Variants in LSAMP observed in about 807,000 individuals in gnomAD.
The protein encoded by LSAMP is limbic system-associated membrane protein.
Under a neutral mutation model 38.6 loss-of-function variants are expected in LSAMP, and 7 were observed. The ratio of observed to expected loss-of-function variants is 0.18; its 90% confidence interval spans 0.10 to 0.34. LSAMP has a LOEUF of 0.34. Among genes scored for constraint, LSAMP ranks in the 10% least tolerant of loss-of-function variants. The pLI is 1.00. For synonymous variants in LSAMP, 154 were observed against 166.8 expected (o/e 0.92, Z 0.59); for missense variants, 313 against 420.0 (o/e 0.75, Z 2.23).
chr3:116,075,940 T>C (rs1005370906), intron 2 of LSAMP, among the ~76,000 whole-genome samples: 3 of 152,212 alleles, frequency 2.0e-5, no homozygotes, highest in Non-Finnish European at 4.4e-5. Flanking sequence ...CCACACTCCA[T>C]TGGAGAGACA....
intron 1 of LSAMP, among the ~76,000 whole-genome samples, chr3:116,373,617 G>GA (rs1229809381): frequency 1.3e-5 from 2 of 151,708 alleles, no homozygotes; most frequent in African/African-American, 2.4e-5. Context: ...TTAAAAATTG[G>GA]AAAAAAGTTA....
At chr3:116,025,270 A>G (rs1056169593) in intron 2 of LSAMP, among the ~76,000 whole-genome samples, 6 of 152,044 alleles carry the variant, frequency 3.9e-5, no homozygotes, top group African/African-American at 1.2e-4. Flanking sequence ...CAATCTATTC[A>G]GTTTCAGTGA....
At chr3:116,145,932 CTTCTT>C (rs763555745) in intron 1 of LSAMP, among the ~76,000 whole-genome samples, 9 of 151,760 alleles carry the variant, frequency 5.9e-5, no homozygotes, top group Non-Finnish European at 2.9e-5. Context: ...TAAAAATAAA[CTTCTT>C]TTATATTATA....
intron 3 of LSAMP, among the ~76,000 whole-genome samples, chr3:115,996,403 T>C (rs1337405800): frequency 6.6e-6 from 1 of 152,110 alleles, no homozygotes; most frequent in African/African-American, 2.4e-5. Flanking sequence ...CTACAGGGAA[T>C]TGGGGTTATC....
rs72945950 is a variant in LSAMP at position 116,215,186 on chromosome 3, A to G, written c.156-128630T>C. Among the ~76,000 whole-genome samples the G allele has an allele frequency of 1.7e-3, 252 of 152,298 alleles. 2 individuals are homozygous for G. The highest frequency in any genetic ancestry group is 5.8e-3 in the African/African-American group (242 of 41,566). On this transcript the variant is annotated intron_variant, in intron 1 of 6. Coordinates refer to ENST00000490035, the MANE Select transcript of LSAMP (RefSeq NM_002338.5). ...AAACGAAATAAATAAACAAACAAAT[A>G]AAGGAATAAGTTGCTGAAGTGTGCT... is the stretch of plus-strand genomic sequence containing the variant.
chr3:115,960,836 T>C (rs1006503994), intron 3 of LSAMP, among the ~76,000 whole-genome samples: 2 of 152,248 alleles, frequency 1.3e-5, no homozygotes, highest in African/African-American at 4.8e-5. Context: ...CGTTAATTTT[T>C]TTCCCCATGG....
chr3:116,150,200 A>G (rs1436285168), intron 1 of LSAMP, among the ~76,000 whole-genome samples: 1 of 152,034 alleles, frequency 6.6e-6, no homozygotes, highest in Non-Finnish European at 1.5e-5. Context: ...TTTAATCATC[A>G]CTTTCATTTA....
At chr3:116,222,383 T>C (rs2046295747) in intron 1 of LSAMP, among the ~76,000 whole-genome samples, 1 of 152,130 alleles carries the variant, frequency 6.6e-6, no homozygotes, top group African/African-American at 2.4e-5. Flanking sequence ...ACTACTTACT[T>C]GGTGCTCATT....
intron 3 of LSAMP, among the ~76,000 whole-genome samples, chr3:115,999,372 G>A (rs1401689204): frequency 2.0e-5 from 3 of 152,056 alleles, no homozygotes; most frequent in Non-Finnish European, 4.4e-5. Flanking sequence ...CCAAGGACAC[G>A]GGCCATTTGT....
At chr3:115,872,000 T>A (rs1280161320) in intron 3 of LSAMP, among the ~76,000 whole-genome samples, 3 of 152,122 alleles carry the variant, frequency 2.0e-5, no homozygotes, top group Admixed American at 2.0e-4. Context: ...GGGTGCTGAT[T>A]CTCAGAGAAT....
intron 1 of LSAMP, among the ~76,000 whole-genome samples, chr3:116,440,765 G>A (rs941104567): frequency 1.3e-5 from 2 of 152,138 alleles, no homozygotes; most frequent in African/African-American, 4.8e-5. Flanking sequence ...TACAGTATCA[G>A]GGCTAACCAA....
chr3:116,420,112 T>C (rs2049102028), intron 1 of LSAMP, among the ~76,000 whole-genome samples: 2 of 151,938 alleles, frequency 1.3e-5, no homozygotes, highest in African/African-American at 4.8e-5. Context: ...TTTTTTTTTT[T>C]TTCAAGAGAA....
chr3:116,188,879 T>C (rs1028717750), intron 1 of LSAMP, among the ~76,000 whole-genome samples: 3 of 152,150 alleles, frequency 2.0e-5, no homozygotes, highest in East Asian at 1.9e-4. Flanking sequence ...CACAGTGAGA[T>C]TGACCATTGA....
At chr3:116,423,061 G>T (rs1224281260) in intron 1 of LSAMP, among the ~76,000 whole-genome samples, 1 of 152,024 alleles carries the variant, frequency 6.6e-6, no homozygotes, top group Non-Finnish European at 1.5e-5. Context: ...ACAGTGCCTG[G>T]CACAAAGACA....
Position 115,820,529 on chromosome 3 carries a change from G to A in LSAMP, c.920-10115C>T, listed in dbSNP as rs556640563. On this transcript the variant is annotated intron_variant, in intron 6 of 6. Coordinates refer to ENST00000490035, the MANE Select transcript of LSAMP (RefSeq NM_002338.5). Reference sequence around the variant, plus strand: ...ATATTAGGAAAGGCAAGTGCCTCGAGACATTTATTTAAGCTAATCTGTCCT... The same window carrying A: ...ATATTAGGAAAGGCAAGTGCCTCGAAACATTTATTTAAGCTAATCTGTCCT... 3.3e-5 allele frequency among the ~76,000 whole-genome samples: 5 copies of A among 152,294 alleles called. No individual in the cohort carries two copies. In the South Asian group the frequency reaches 1.0e-3, roughly 32 times the overall value.
At chr3:116,229,868 T>C (rs2107626131) in intron 1 of LSAMP, among the ~76,000 whole-genome samples, 1 of 152,272 alleles carries the variant, frequency 6.6e-6, no homozygotes, top group African/African-American at 2.4e-5. Flanking sequence ...AGCATAGCAG[T>C]TATTGACTAA....
In LSAMP at chr3:115,944,822, G is replaced by A. The variant is rs145510038; in HGVS notation, c.514+74693C>T. On this transcript the variant is annotated intron_variant, in intron 3 of 6. Coordinates refer to ENST00000490035, the MANE Select transcript of LSAMP (RefSeq NM_002338.5). The stretch of plus-strand genomic sequence containing the variant: ...ATAGCCAGAGATCTTTAACCTCTAT[G>A]GTATAGCGCCTCTCTCCAGTCTACT... Among the ~76,000 whole-genome samples, 471 of 152,206 alleles carry A rather than the reference G, an allele frequency of 3.1e-3. 3 individuals are homozygous for A. Among genetic ancestry groups the A allele is most frequent in the African/African-American group, 0.01 (436 of 41,552 alleles).
rs147040739 is a variant in LSAMP at position 116,319,035 on chromosome 3, T to A, written c.155+125842A>T. On this transcript the variant is annotated intron_variant, in intron 1 of 6. Coordinates refer to ENST00000490035, the MANE Select transcript of LSAMP (RefSeq NM_002338.5). The stretch of plus-strand genomic sequence containing the variant: ...CCTTTAGTGAGGCAAAATAGTGTTG[T>A]ATAGAATTGGGGGGGTGGGGATTAC... Among the ~76,000 whole-genome samples the A allele has an allele frequency of 6.1e-3, 880 of 144,704 alleles. 8 individuals are homozygous for A. Among genetic ancestry groups the A allele is most frequent in the African/African-American group, 0.022 (836 of 38,130 alleles). The allele number at this position is 144,704 out of a possible 152,430, so 94.9% of individuals were successfully genotyped here. A position where few individuals can be genotyped will look rare whatever the true frequency, so the allele number is the denominator to read the frequency against.
intron 3 of LSAMP, among the ~76,000 whole-genome samples, chr3:115,929,854 CTT>C (rs1223379906): frequency 1.3e-5 from 2 of 152,014 alleles, no homozygotes; most frequent in Admixed American, 1.3e-4. Flanking sequence ...GAGTTCTACT[CTT>C]TGTTTCAATC....
Sources: gnomAD v4.1 joint callset for allele counts (sites outside exome capture counted in the v4.1 genomes callset) on GRCh38, gnomAD v4.1.1 for gene constraint, MANE v1.5 for transcripts, NCBI Gene and HGNC (gene_info 2026-07-23, HGNC 2026-07-21) for gene names.